The following FANCC variants were observed in gnomAD, a reference collection of about 807,000 sequenced individuals.
FANCC encodes FA complementation group C, also known as Fanconi anemia group C protein.
FANCC carries 55 observed loss-of-function variants against 71.3 expected under a neutral mutation model. That is an observed-to-expected ratio of 0.77 (90% CI 0.62 to 0.97). FANCC has a LOEUF of 0.97. FANCC is among the 50% of genes least tolerant of loss of function. FANCC has a pLI of 0.00. For missense variants in FANCC, 678 were observed against 670.9 expected (o/e 1.01, Z -0.12); for synonymous variants, 275 against 244.9 (o/e 1.12, Z -1.15).
chr9:95,186,032 G>A (rs1826688209), intron 4 of FANCC, among the ~76,000 whole-genome samples: 1 of 151,962 alleles, frequency 6.6e-6, no homozygotes, highest in Non-Finnish European at 1.5e-5. Flanking sequence ...TTGTTTTTTA[G>A]GAGATGGGCT....
chr9:95,210,067 C>G (rs4647460), intron 4 of FANCC, among the ~76,000 whole-genome samples: 3 of 152,034 alleles, frequency 2.0e-5, no homozygotes, highest in South Asian at 4.1e-4. Flanking sequence ...AAAAAATACA[C>G]CATCAAGCAA....
chr9:95,292,575 T>C (rs1368953347), intron 1 of FANCC: 5 of 1,463,436 alleles, frequency 3.4e-6, no homozygotes, highest in Non-Finnish European at 9.5e-7. Flanking sequence ...CCAGACCACA[T>C]GGCCCAACAT....
chr9:95,217,914 G>A (rs1376452387), intron 4 of FANCC, among the ~76,000 whole-genome samples: 1 of 152,072 alleles, frequency 6.6e-6, no homozygotes, highest in Non-Finnish European at 1.5e-5. Context: ...AAATAAAAGA[G>A]AAGACATCAT....
At chr9:95,141,796 C>T (rs1045516492) in intron 7 of FANCC, among the ~76,000 whole-genome samples, 1 of 151,990 alleles carries the variant, frequency 6.6e-6, no homozygotes, top group Non-Finnish European at 1.5e-5. Flanking sequence ...GAATTGTTTT[C>T]TTATTAAGCA....
chr9:95,190,251 C>T (rs1827001579), intron 4 of FANCC, among the ~76,000 whole-genome samples: 1 of 152,136 alleles, frequency 6.6e-6, no homozygotes, highest in Admixed American at 6.5e-5. Context: ...CACTTGGGCC[C>T]TGATCACCTC....
intron 10 of FANCC, among the ~76,000 whole-genome samples, chr9:95,118,417 C>T (rs771689761): frequency 3.3e-5 from 5 of 152,208 alleles, no homozygotes; most frequent in Non-Finnish European, 5.9e-5. Context: ...GGCACAGAAG[C>T]TTTTTTAAAA....
At position 95,306,555 on chromosome 9, in the gene FANCC, G is replaced by A. The variant is rs185006755; in HGVS notation, c.-79+10971C>T. ...ACCAGACAGGAGTTAGTTTCCCTGG[G>A]TAACAGCCAACAACCCTGCCATTAA... On this transcript the variant is annotated intron_variant, in intron 1 of 14. Coordinates refer to ENST00000289081, the MANE Select transcript of FANCC (RefSeq NM_000136.3). Among the ~76,000 whole-genome samples, 6 of 152,234 alleles carry A rather than the reference G, an allele frequency of 3.9e-5. No homozygotes were observed. The East Asian group carries it at 1.2e-3, about 29-fold the overall frequency.
chr9:95,170,981 C>A (rs1186376585), intron 6 of FANCC, 98 bp downstream of exon 6: 1 of 867,800 alleles, frequency 1.2e-6, no homozygotes, highest in Non-Finnish European at 1.9e-6. Context: ...ACAACCATAA[C>A]TGAACATCCA....
intron 4 of FANCC, among the ~76,000 whole-genome samples, chr9:95,224,193 G>C (rs1033148983): frequency 3.9e-5 from 6 of 152,062 alleles, no homozygotes; most frequent in Admixed American, 3.3e-4. Flanking sequence ...GTTCCTACTT[G>C]ATGGGTCTTT....
rs1293282237 is a variant in FANCC, at chr9:95,101,786, C to T, written c.1598G>A (p.Trp533Ter). 1 of 1,614,154 alleles carries T rather than the reference C, an allele frequency of 6.2e-7. No individual in the cohort carries two copies. The highest frequency in any genetic ancestry group is 8.5e-7 in the Non-Finnish European group (1 of 1,180,030). Residue 533 changes from tryptophan to a stop codon, truncating the protein, a stop_gained, in exon 15 of 15, where the codon TGG (tryptophan) becomes TAG (stop). Transcript: ENST00000289081. LOFTEE classifies it low-confidence loss of function (END_TRUNC). ...AGGGCTTTCAATGCCAAGACGATTC[C>T]ATCTGTACAAGGTCTGGTCAAGAAA... Reference protein sequence around the residue: ...IGFLDQTLYRWNRLGIESPRS... With the variant: ...IGFLDQTLYR
At chr9:95,138,212 G>A (rs1450287773) in intron 7 of FANCC, among the ~76,000 whole-genome samples, 1 of 152,272 alleles carries the variant, frequency 6.6e-6, no homozygotes, top group Non-Finnish European at 1.5e-5. Flanking sequence ...AAGCCAGGGC[G>A]GCTGAGGTTG....
chr9:95,213,962 C>T (rs1307577777), intron 4 of FANCC, among the ~76,000 whole-genome samples: 1 of 152,072 alleles, frequency 6.6e-6, no homozygotes, highest in African/African-American at 2.4e-5. Flanking sequence ...AAAAACCAAA[C>T]AACACAACTG....
chr9:95,283,680 C>A (rs1394455350), intron 1 of FANCC, among the ~76,000 whole-genome samples: 2 of 152,332 alleles, frequency 1.3e-5, no homozygotes, highest in East Asian at 3.9e-4. Context: ...AAATAACTCA[C>A]TTTACAAAAA....
intron 14 of FANCC, among the ~76,000 whole-genome samples, chr9:95,102,179 T>C (rs1270454433): frequency 3.3e-5 from 5 of 152,208 alleles, no homozygotes; most frequent in African/African-American, 7.2e-5. Context: ...TCACAAGTTG[T>C]GGGATGATCC....
intron 4 of FANCC, among the ~76,000 whole-genome samples, chr9:95,232,060 T>G (rs1830040434): frequency 6.6e-6 from 1 of 152,248 alleles, no homozygotes; most frequent in African/African-American, 2.4e-5. Flanking sequence ...CTGCAGCATC[T>G]GCTTGGCTTC....
intron 4 of FANCC, among the ~76,000 whole-genome samples, chr9:95,205,432 T>C (rs1828064059): frequency 1.3e-5 from 2 of 151,982 alleles, no homozygotes; most frequent in African/African-American, 2.4e-5. Context: ...CTAGGAACAG[T>C]GTCTATAATT....
At chr9:95,214,822 G>A (rs1271537646) in intron 4 of FANCC, among the ~76,000 whole-genome samples, 3 of 152,214 alleles carry the variant, frequency 2.0e-5, no homozygotes, top group Non-Finnish European at 4.4e-5. Context: ...GAGAGAGAAT[G>A]TAGAATGGTG....
Position 95,149,941 on chromosome 9 carries a change from A to ACAGCCT in FANCC, c.662_667dup (p.Glu221_Ala222dup), listed in dbSNP as rs1830058319. ...CACTTACAGCAAAATGGCCTCGTTT[A>ACAGCCT]CAGCCTCAAAGAACTCTGGCTGGAG... is the stretch of plus-strand genomic sequence containing the variant. On this transcript the variant is annotated inframe_insertion, in exon 7 of 15. Coordinates refer to ENST00000289081, the MANE Select transcript of FANCC (RefSeq NM_000136.3). 2 of 1,607,676 alleles carry ACAGCCT rather than the reference A, an allele frequency of 1.2e-6. No individual in the cohort carries two copies. Among genetic ancestry groups the ACAGCCT allele is most frequent in the Non-Finnish European group, 1.7e-6 (2 of 1,177,132 alleles).
chr9:95,271,178 C>A (rs1007073953), intron 1 of FANCC, among the ~76,000 whole-genome samples: 1 of 152,158 alleles, frequency 6.6e-6, no homozygotes, highest in African/African-American at 2.4e-5. Flanking sequence ...TGAACATCTA[C>A]CAAGCACAGG....
Sources: allele counts gnomAD v4.1 joint callset (sites outside exome capture counted in the v4.1 genomes callset), GRCh38; gene constraint gnomAD v4.1.1; transcripts MANE v1.5; gene names NCBI Gene and HGNC (gene_info 2026-07-23, HGNC 2026-07-21).